Variants in DPYSL2 observed in about 807,000 individuals in gnomAD.
DPYSL2 encodes the protein dihydropyrimidinase-related protein 2.
In DPYSL2, 13 loss-of-function variants were observed where a neutral mutation model predicts 69.9. The observed-to-expected ratio is 0.19, with a 90% CI of 0.12 to 0.30. The LOEUF is 0.30. DPYSL2 is among the 10% of genes least tolerant of loss of function. The pLI is 1.00. For synonymous variants in DPYSL2, 326 were observed against 359.1 expected (o/e 0.91, Z 1.04); for missense variants, 587 against 918.9 (o/e 0.64, Z 4.67).
At chr8:26,615,301 ACT>A (rs1467780531) in intron 3 of DPYSL2, among the ~76,000 whole-genome samples, 3 of 151,886 alleles carry the variant, frequency 2.0e-5, no homozygotes, top group Non-Finnish European at 1.5e-5. Context: ...TTTTACTATG[ACT>A]CTCACCTTTC....
Position 26,626,492 on chromosome 8 carries a change from C to T in DPYSL2, c.794-125C>T, listed in dbSNP as rs1369077950. ...CTTTCTCTGTACTGAAACACACACACACACACACACACACACACACACACA... is the reference window on the plus strand; with the variant it reads ...CTTTCTCTGTACTGAAACACACACATACACACACACACACACACACACACA... On this transcript the variant is annotated intron_variant, in intron 4 of 13. Transcript: ENST00000521913. The surrounding 1 kb of genome is among the most constrained non-coding windows in gnomAD (Gnocchi z 4.3). 3 of 318,192 alleles carry T rather than the reference C, an allele frequency of 9.4e-6. No homozygotes were observed. The East Asian group carries it at 1.2e-4, about 13-fold the overall frequency. 19.7% of individuals were successfully genotyped at this position (318,192 alleles called of 1,614,324 possible).
intron 1 of DPYSL2, among the ~76,000 whole-genome samples, chr8:26,572,530 C>T (rs374151084): frequency 2.0e-5 from 3 of 152,118 alleles, no homozygotes; most frequent in East Asian, 1.9e-4. Context: ...GAAGGAATCT[C>T]GCCCTTTCAC....
rs1011142124 is a variant in DPYSL2 at position 26,597,332 on chromosome 8, G to A, written c.628+13349G>A. ...TGAGCTGATTTCTGTCACGTAGGCT[G>A]CTCCGAGGTTGCCTTGCCCTTGCCT... On this transcript the variant is annotated intron_variant, in intron 3 of 13. Transcript: ENST00000521913. The surrounding 1 kb of genome is among the most constrained non-coding windows in gnomAD (Gnocchi z 5.2). Among the ~76,000 whole-genome samples the A allele has an allele frequency of 6.6e-6, 1 of 152,220 alleles. No homozygotes were observed. The highest frequency in any genetic ancestry group is 1.5e-5 in the Non-Finnish European group (1 of 68,044).
intron 3 of DPYSL2, among the ~76,000 whole-genome samples, chr8:26,611,624 G>A (rs749497681): frequency 9.2e-5 from 14 of 152,160 alleles, no homozygotes; most frequent in South Asian, 4.1e-4. Flanking sequence ...CAGAGATGTC[G>A]CCCCACACTG....
At chr8:26,645,564 A>G (rs1399750251) in intron 10 of DPYSL2, among the ~76,000 whole-genome samples, 4 of 151,996 alleles carry the variant, frequency 2.6e-5, no homozygotes, top group Non-Finnish European at 1.5e-5. Context: ...GGACTCATTT[A>G]TTTATTTATT....
intron 1 of DPYSL2, among the ~76,000 whole-genome samples, chr8:26,530,060 C>T (rs1157866787): frequency 2.9e-5 from 4 of 137,368 alleles, no homozygotes; most frequent in Non-Finnish European, 4.5e-5. Flanking sequence ...TGCAGTGAGC[C>T]GAGATCGTGC....
At chr8:26,618,436 C>T (rs1457281351) in intron 3 of DPYSL2, among the ~76,000 whole-genome samples, 2 of 151,808 alleles carry the variant, frequency 1.3e-5, no homozygotes, top group African/African-American at 4.8e-5. Context: ...ACTTAGCCTC[C>T]CGAGTAGCTG....
chr8:26,627,741 G>T lies in DPYSL2; in HGVS notation c.937-131G>T. 1 of 874,040 alleles carries T rather than the reference G, an allele frequency of 1.1e-6. No homozygotes were observed. The highest frequency in any genetic ancestry group is 1.8e-6 in the Non-Finnish European group (1 of 554,048). 54.1% of individuals were successfully genotyped at this position (874,040 alleles called of 1,614,324 possible). On this transcript the variant is annotated intron_variant, in intron 6 of 13. Transcript: ENST00000521913. This position sits in a 1 kb window ranked among gnomAD's most constrained non-coding sequence, Gnocchi z 6.9. ...TGAACCCTTCTCTTCATGAGGTCTT[G>T]GGATGAGGGCAGAACGATCGGCAGT...
chr8:26,603,850 A>G (rs887900175), intron 3 of DPYSL2, among the ~76,000 whole-genome samples: 3 of 152,208 alleles, frequency 2.0e-5, no homozygotes, highest in Admixed American at 6.5e-5. Context: ...CATCGTATAT[A>G]TAGACCATAT....
chr8:26,649,848 G>C (rs944678814), intron 11 of DPYSL2, among the ~76,000 whole-genome samples: 2 of 152,210 alleles, frequency 1.3e-5, no homozygotes, highest in African/African-American at 4.8e-5. Flanking sequence ...TGGTTTGATG[G>C]AGAGTAGGCT....
At chr8:26,520,401 G>A (rs558858100) in intron 1 of DPYSL2, among the ~76,000 whole-genome samples, 10 of 151,344 alleles carry the variant, frequency 6.6e-5, no homozygotes, top group African/African-American at 2.4e-4. Flanking sequence ...ATACTGATTT[G>A]CTTTTGATAT....
rs1195221315 is a variant in DPYSL2 at position 26,641,915 on chromosome 8, G to A, written c.1127-1524G>A. On this transcript the variant is annotated intron_variant, in intron 8 of 13. Transcript: ENST00000521913. This position sits in a 1 kb window ranked among gnomAD's most constrained non-coding sequence, Gnocchi z 4.1. ...GCTCTCAGAGTGGCCGACAGGGAGG[G>A]TGTTGTGGTGTATCATCAAGTGATA... Among the ~76,000 whole-genome samples the A allele has an allele frequency of 6.6e-6, 1 of 152,208 alleles. No homozygotes were observed. The highest frequency in any genetic ancestry group is 2.4e-5 in the African/African-American group (1 of 41,458).
chr8:26,531,702 G>A (rs190166676), intron 1 of DPYSL2, among the ~76,000 whole-genome samples: 60 of 152,288 alleles, frequency 3.9e-4, no homozygotes, highest in Non-Finnish European at 7.8e-4. Flanking sequence ...AATAAAGGGC[G>A]ATTTTATGTT....
intron 1 of DPYSL2, chr8:26,577,890 A>C (rs1005759806): frequency 2.6e-6 from 3 of 1,132,538 alleles, no homozygotes; most frequent in African/African-American, 3.4e-5. Flanking sequence ...CCTGAGAGGA[A>C]AGGGAGTGGC....
In DPYSL2 at chr8:26,643,102, CCGG is replaced by C; in HGVS notation, c.1127-336_1127-334del. ...AGAACAGTCCAGATGGCACCTGGGA[CCGG>C]ATGCCTGGACACCATCCGAGCAGGA... On this transcript the variant is annotated intron_variant, in intron 8 of 13. Coordinates refer to ENST00000521913, the MANE Select transcript of DPYSL2 (RefSeq NM_001197293.3). The surrounding 1 kb of genome is among the most constrained non-coding windows in gnomAD (Gnocchi z 6.5). The C allele has an allele frequency of 4.1e-6, 1 of 244,376 alleles. No homozygotes were observed. Among genetic ancestry groups the C allele is most frequent in the Non-Finnish European group, 7.8e-6 (1 of 127,822 alleles). The allele number at this position is 244,376 out of a possible 1,614,324, so 15.1% of individuals were successfully genotyped here. A position where few individuals can be genotyped will look rare whatever the true frequency, so the allele number is the denominator to read the frequency against.
At chr8:26,604,690 G>A (rs1025174781) in intron 3 of DPYSL2, among the ~76,000 whole-genome samples, 8 of 150,996 alleles carry the variant, frequency 5.3e-5, no homozygotes, top group Non-Finnish European at 1.2e-4. Flanking sequence ...GTCTTGCTCT[G>A]TCACGTAGGC....
intron 1 of DPYSL2, chr8:26,577,973 C>G: frequency 7.7e-7 from 1 of 1,305,994 alleles, no homozygotes; most frequent in Non-Finnish European, 9.7e-7. Context: ...CACCCCCTTC[C>G]CTCCTGTTTC....
At chr8:26,528,173 G>A (rs1442229008) in intron 1 of DPYSL2, among the ~76,000 whole-genome samples, 1 of 152,130 alleles carries the variant, frequency 6.6e-6, no homozygotes, top group African/African-American at 2.4e-5. Context: ...CACTGGTGAG[G>A]TGGCACCTCT....
intron 3 of DPYSL2, among the ~76,000 whole-genome samples, chr8:26,590,668 C>T (rs112763357): frequency 1.3e-5 from 2 of 150,970 alleles, no homozygotes; most frequent in African/African-American, 4.9e-5. Context: ...GCGTGAATCT[C>T]GGCCTTGAAC....
Sources: allele counts gnomAD v4.1 joint callset (sites outside exome capture counted in the v4.1 genomes callset), GRCh38; gene constraint gnomAD v4.1.1; non-coding constraint Gnocchi (gnomAD v3.1); transcripts MANE v1.5; gene names NCBI Gene and HGNC (gene_info 2026-07-23, HGNC 2026-07-21).